The following CSTPP1 variants were observed in gnomAD, a reference collection of about 807,000 sequenced individuals.
CSTPP1 encodes the protein centriolar satellite-associated tubulin polyglutamylase complex regulator 1, also known as UPF0705 protein C11orf49.
chr11:46,977,411 C>T, the CSTPP1 span, among the ~76,000 whole-genome samples: 2 of 152,248 alleles, frequency 1.3e-5, no homozygotes, highest in South Asian at 4.1e-4. Flanking sequence ...GACCTGCTGA[C>T]TCCGCCTGAA....
chr11:46,936,824 C>T, the CSTPP1 span: 6 of 1,606,650 alleles, frequency 3.7e-6, no homozygotes, highest in African/African-American at 8.1e-5. Context: ...TCCGGAGCGC[C>T]TAGCCCTACC....
At chr11:47,137,944 G>C in the CSTPP1 span, 1 of 603,458 alleles carries the variant, frequency 1.7e-6, no homozygotes, top group Non-Finnish European at 2.9e-6. Context: ...GGGAGCCTCA[G>C]GGTCTGAAGA....
the CSTPP1 span, among the ~76,000 whole-genome samples, chr11:47,150,298 A>G: frequency 1.3e-5 from 2 of 152,098 alleles, no homozygotes; most frequent in African/African-American, 2.4e-5. Flanking sequence ...TATGAGAGGG[A>G]TTAAGAAACT....
the CSTPP1 span, chr11:46,987,105 C>T: frequency 1.9e-6 from 2 of 1,073,424 alleles, no homozygotes; most frequent in Non-Finnish European, 2.8e-6. Context: ...CAGACAGAGC[C>T]AACACCTGGA....
chr11:47,117,974 G>A, the CSTPP1 span, among the ~76,000 whole-genome samples: 2 of 148,662 alleles, frequency 1.3e-5, no homozygotes, highest in African/African-American at 4.9e-5. Flanking sequence ...CCGCCTCCCA[G>A]GTTCAAGCAA....
chr11:46,952,880 CTAAA>C, the CSTPP1 span, among the ~76,000 whole-genome samples: 1 of 152,058 alleles, frequency 6.6e-6, no homozygotes, highest in Non-Finnish European at 1.5e-5. Flanking sequence ...AACTTTGCTG[CTAAA>C]TAATTTTATT....
chr11:47,108,009 A>G, the CSTPP1 span, among the ~76,000 whole-genome samples: 1 of 152,214 alleles, frequency 6.6e-6, no homozygotes, highest in Admixed American at 6.5e-5. Context: ...ACACACACAG[A>G]CGCTCAAAAC....
the CSTPP1 span, among the ~76,000 whole-genome samples, chr11:46,974,278 A>G: frequency 1.3e-5 from 2 of 152,204 alleles, no homozygotes; most frequent in Non-Finnish European, 2.9e-5. Flanking sequence ...CTGTAATCCC[A>G]GCACTTTGGA....
chr11:46,989,328 A>G, the CSTPP1 span, among the ~76,000 whole-genome samples: 1 of 151,844 alleles, frequency 6.6e-6, no homozygotes, highest in Non-Finnish European at 1.5e-5. Context: ...ATAGAATTTT[A>G]CTCTGTTGTT....
chr11:47,059,659 C>G, the CSTPP1 span, among the ~76,000 whole-genome samples: 3 of 152,140 alleles, frequency 2.0e-5, no homozygotes, highest in Non-Finnish European at 4.4e-5. Flanking sequence ...GTATTTAACA[C>G]ATAATAAGGA....
At chr11:46,994,548 C>A in the CSTPP1 span, among the ~76,000 whole-genome samples, 1 of 152,126 alleles carries the variant, frequency 6.6e-6, no homozygotes, top group Non-Finnish European at 1.5e-5. Flanking sequence ...TGGTTTTTGT[C>A]TTTGGTTCTG....
the CSTPP1 span, chr11:47,164,180 G>A: frequency 6.2e-7 from 1 of 1,614,014 alleles, no homozygotes; most frequent in East Asian, 2.2e-5. Context: ...GAGAGAAGCA[G>A]GAGGCCCTGG....
the CSTPP1 span, among the ~76,000 whole-genome samples, chr11:47,012,037 G>C: frequency 2.0e-5 from 3 of 152,142 alleles, no homozygotes; most frequent in East Asian, 5.8e-4. Flanking sequence ...CGACTTGGGA[G>C]GCTGAAGCGG....
At chr11:46,966,426 A>G in the CSTPP1 span, among the ~76,000 whole-genome samples, 1 of 152,192 alleles carries the variant, frequency 6.6e-6, no homozygotes, top group Non-Finnish European at 1.5e-5. Context: ...GCACAGATGT[A>G]GAGTTTTCCA....
chr11:46,978,217 A>T, the CSTPP1 span, among the ~76,000 whole-genome samples: 290 of 152,354 alleles, frequency 1.9e-3, 2 homozygotes, highest in African/African-American at 6.5e-3. Context: ...AAGATAACAT[A>T]CGCATAACAG....
the CSTPP1 span, among the ~76,000 whole-genome samples, chr11:47,027,821 G>T: frequency 6.6e-6 from 1 of 152,036 alleles, no homozygotes; most frequent in African/African-American, 2.4e-5. Flanking sequence ...AGAAGCCAAA[G>T]ATCTTGGATT....
At chr11:46,955,475 C>T in the CSTPP1 span, among the ~76,000 whole-genome samples, 5,692 of 151,826 alleles carry the variant, frequency 0.037, 331 homozygotes, top group African/African-American at 0.13. Context: ...GCGATTCCCC[C>T]GCCTCAGCCT....
At chr11:46,953,504 G>A in the CSTPP1 span, among the ~76,000 whole-genome samples, 197 of 152,236 alleles carry the variant, frequency 1.3e-3, 3 homozygotes, top group Admixed American at 0.013. Context: ...AGGCTATTTT[G>A]AAGTTGGGAG....
the CSTPP1 span, among the ~76,000 whole-genome samples, chr11:47,018,260 GCTCA>G: frequency 1.4e-5 from 2 of 144,596 alleles, no homozygotes; most frequent in Admixed American, 1.4e-4. Context: ...GAATAAGATT[GCTCA>G]CTCAATCACA....
Sources: gnomAD v4.1 joint callset for allele counts (sites outside exome capture counted in the v4.1 genomes callset) on GRCh38, gnomAD v4.1.1 for gene constraint, MANE v1.5 for transcripts, NCBI Gene and HGNC (gene_info 2026-07-23, HGNC 2026-07-21) for gene names.